NKAIN2: variants seen among roughly 807,000 people sequenced by gnomAD.
NKAIN2 encodes the protein sodium/potassium-transporting ATPase subunit beta-1-interacting protein 2.
A neutral mutation model predicts 32.6 loss-of-function variants in NKAIN2; 14 were observed. The observed-to-expected ratio is 0.43, with a 90% CI of 0.28 to 0.67. NKAIN2 has a LOEUF of 0.67. Among genes scored for constraint, NKAIN2 ranks in the 30% least tolerant of loss-of-function variants. The pLI, the probability that NKAIN2 is intolerant of heterozygous loss-of-function variation, is 0.17. For missense variants in NKAIN2, 198 were observed against 258.3 expected (o/e 0.77, Z 1.60); for synonymous variants, 80 against 87.2 (o/e 0.92, Z 0.46).
chr6:124,019,423 G>A (rs1239648225), intron 1 of NKAIN2, among the ~76,000 whole-genome samples: 1 of 152,010 alleles, frequency 6.6e-6, no homozygotes, highest in Non-Finnish European at 1.5e-5. Context: ...CTGTTGAAGT[G>A]AGATTTGTTT....
At chr6:123,817,331 AG>A (rs2114878287) in intron 1 of NKAIN2, among the ~76,000 whole-genome samples, 1 of 152,246 alleles carries the variant, frequency 6.6e-6, no homozygotes, top group East Asian at 1.9e-4. Flanking sequence ...CACTAGTTGG[AG>A]TAGCATACAC....
intron 3 of NKAIN2, among the ~76,000 whole-genome samples, chr6:124,621,679 T>C (rs768868475): frequency 1.3e-5 from 2 of 152,166 alleles, no homozygotes; most frequent in Non-Finnish European, 2.9e-5. Context: ...CATGCACCTT[T>C]TAACGCCTCC....
intron 4 of NKAIN2, among the ~76,000 whole-genome samples, chr6:124,757,107 G>A (rs527509811): frequency 3.3e-5 from 5 of 152,012 alleles, no homozygotes; most frequent in East Asian, 3.9e-4. Flanking sequence ...CTCCACTGTC[G>A]CCCTTTTTAT....
At chr6:123,975,270 T>A (rs555720650) in intron 1 of NKAIN2, among the ~76,000 whole-genome samples, 1 of 152,270 alleles carries the variant, frequency 6.6e-6, no homozygotes, top group South Asian at 2.1e-4. Flanking sequence ...AGAAAAATGC[T>A]CAGGAAATTC....
intron 3 of NKAIN2, among the ~76,000 whole-genome samples, chr6:124,380,248 G>A (rs531687818): frequency 1.3e-5 from 2 of 152,248 alleles, no homozygotes; most frequent in East Asian, 3.9e-4. Flanking sequence ...TCCTTAAGAA[G>A]TAACTATGCT....
chr6:123,968,321 C>T (rs911390089), intron 1 of NKAIN2, among the ~76,000 whole-genome samples: 9 of 152,184 alleles, frequency 5.9e-5, no homozygotes, highest in East Asian at 1.9e-4. Context: ...ATAGGAGCCA[C>T]GGGTGCTATT....
At chr6:124,663,178 G>A (rs1450317118) in intron 4 of NKAIN2, among the ~76,000 whole-genome samples, 1 of 152,176 alleles carries the variant, frequency 6.6e-6, no homozygotes, top group Non-Finnish European at 1.5e-5. Flanking sequence ...TGTAATCCCA[G>A]CAGTTTGGGA....
chr6:123,829,627 A>G (rs1562205114), intron 1 of NKAIN2, among the ~76,000 whole-genome samples: 1 of 152,136 alleles, frequency 6.6e-6, no homozygotes, highest in Admixed American at 6.6e-5. Context: ...ATACTCCATT[A>G]GTGAGGACCA....
At position 124,687,763 on chromosome 6, in the gene NKAIN2, C is replaced by T. The variant is rs1411199179; in HGVS notation, c.474+29377C>T. Among the ~76,000 whole-genome samples the T allele has an allele frequency of 2.8e-5, 4 of 143,220 alleles. No individual in the cohort carries two copies. In the East Asian group the frequency reaches 8.0e-4, roughly 29 times the overall value. The allele number at this position is 143,220 out of a possible 152,430, so 94.0% of individuals were successfully genotyped here. A position where few individuals can be genotyped will look rare whatever the true frequency, so the allele number is the denominator to read the frequency against. ...ATATATACACACACACACACACACA[C>T]ACACACACACACACACACATACTGT... On this transcript the variant is annotated intron_variant, in intron 4 of 6. Transcript: ENST00000368417.
intron 1 of NKAIN2, among the ~76,000 whole-genome samples, chr6:124,061,566 G>C (rs967536365): frequency 6.6e-6 from 1 of 152,080 alleles, no homozygotes; most frequent in Admixed American, 6.6e-5. Flanking sequence ...TATTCAAAGA[G>C]AGTAAATGCA....
chr6:124,780,170 G>C (rs927177158), intron 4 of NKAIN2, among the ~76,000 whole-genome samples: 10 of 152,180 alleles, frequency 6.6e-5, no homozygotes, highest in Non-Finnish European at 1.5e-4. Flanking sequence ...GTGTGGCCTG[G>C]TGGGTGGTGT....
intron 1 of NKAIN2, among the ~76,000 whole-genome samples, chr6:123,889,262 C>T (rs924130058): frequency 3.9e-5 from 6 of 151,932 alleles, no homozygotes; most frequent in African/African-American, 1.4e-4. Flanking sequence ...TTGACATATG[C>T]GGAGCTGGTT....
intron 3 of NKAIN2, among the ~76,000 whole-genome samples, chr6:124,473,518 A>G (rs946695063): frequency 6.6e-6 from 1 of 152,056 alleles, no homozygotes; most frequent in Non-Finnish European, 1.5e-5. Context: ...TTTGAGGTTT[A>G]TGTAGGCAAA....
At chr6:124,628,706 G>A (rs1261861817) in intron 3 of NKAIN2, among the ~76,000 whole-genome samples, 1 of 151,852 alleles carries the variant, frequency 6.6e-6, no homozygotes. Flanking sequence ...GATATGCTGG[G>A]TCCTTGAAAT....
intron 1 of NKAIN2, among the ~76,000 whole-genome samples, chr6:123,915,256 G>A (rs760524115): frequency 1.3e-5 from 2 of 152,102 alleles, no homozygotes; most frequent in Non-Finnish European, 2.9e-5. Context: ...GCTGGCATGT[G>A]CTCCTCCTGT....
intron 3 of NKAIN2, among the ~76,000 whole-genome samples, chr6:124,446,021 A>T (rs186246911): frequency 6.6e-6 from 1 of 152,242 alleles, no homozygotes; most frequent in Admixed American, 6.5e-5. Context: ...TCCCTGTGCA[A>T]TGTAATTCTT....
At chr6:123,883,592 C>T (rs187093980) in intron 1 of NKAIN2, among the ~76,000 whole-genome samples, 1 of 151,732 alleles carries the variant, frequency 6.6e-6, no homozygotes, top group East Asian at 1.9e-4. Flanking sequence ...CGTCCCCAGT[C>T]ATGCTCCTTG....
intron 1 of NKAIN2, among the ~76,000 whole-genome samples, chr6:124,012,399 G>A (rs1304558049): frequency 1.4e-5 from 2 of 146,394 alleles, no homozygotes; most frequent in Non-Finnish European, 3.0e-5. Context: ...TCAATGGTGC[G>A]ATCTCGGCTC....
intron 4 of NKAIN2, among the ~76,000 whole-genome samples, chr6:124,709,777 A>C (rs946826634): frequency 2.0e-5 from 3 of 151,504 alleles, no homozygotes; most frequent in African/African-American, 7.3e-5. Context: ...CTTTCAAAAA[A>C]CCAGCTCCTG....
Sources: gnomAD v4.1 joint callset for allele counts (sites outside exome capture counted in the v4.1 genomes callset) on GRCh38, gnomAD v4.1.1 for gene constraint, MANE v1.5 for transcripts, NCBI Gene and HGNC (gene_info 2026-07-23, HGNC 2026-07-21) for gene names.